Variants in DLC1 observed in about 807,000 individuals in gnomAD.
DLC1 encodes the protein rho GTPase-activating protein 7.
Under a neutral mutation model 140.3 loss-of-function variants are expected in DLC1, and 54 were observed. The ratio of observed to expected loss-of-function variants is 0.38; its 90% CI spans 0.31 to 0.48. DLC1 has a LOEUF of 0.48. Among genes scored for constraint, DLC1 ranks in the 20% least tolerant of loss-of-function variants. DLC1 has a pLI of 0.96. For synonymous variants in DLC1, 986 were observed against 728.1 expected (o/e 1.35, Z -5.70); for missense variants, 2,536 against 1,907.0 (o/e 1.33, Z -6.14).
chr8:13,120,311 C>T (rs1405749318), intron 5 of DLC1, among the ~76,000 whole-genome samples: 2 of 120,488 alleles, frequency 1.7e-5, no homozygotes, highest in Non-Finnish European at 3.4e-5. Context: ...TCACTGCACT[C>T]CAACCTGGAT....
At chr8:13,383,867 G>A (rs1836385953) in intron 4 of DLC1, among the ~76,000 whole-genome samples, 1 of 152,166 alleles carries the variant, frequency 6.6e-6, no homozygotes, top group Non-Finnish European at 1.5e-5. Context: ...AACGTTTAGA[G>A]AACTGCATTC....
intron 2 of DLC1, among the ~76,000 whole-genome samples, chr8:13,429,244 G>T (rs73208003): frequency 0.018 from 2,742 of 152,236 alleles, 34 homozygotes; most frequent in Non-Finnish European, 0.029. Context: ...AAGAGACCTG[G>T]CCATTTGCAG....
chr8:13,292,257 G>A (rs549229669), intron 5 of DLC1, among the ~76,000 whole-genome samples: 11 of 152,174 alleles, frequency 7.2e-5, no homozygotes, highest in South Asian at 4.2e-4. Context: ...TGTCCACATC[G>A]TAGAAAGTCC....
chr8:13,289,474 G>C (rs182222185), intron 5 of DLC1, among the ~76,000 whole-genome samples: 73 of 152,210 alleles, frequency 4.8e-4, no homozygotes, highest in Middle Eastern at 6.8e-3. Context: ...TTATAGACAG[G>C]TGTCACCATG....
intron 2 of DLC1, among the ~76,000 whole-genome samples, chr8:13,483,310 G>T (rs1170444828): frequency 6.6e-6 from 1 of 152,096 alleles, no homozygotes; most frequent in East Asian, 1.9e-4. Flanking sequence ...TTCCAAACAA[G>T]ATCATATTTG....
At chr8:13,547,778 A>T (rs1047488485) in intron 1 of DLC1, among the ~76,000 whole-genome samples, 1 of 151,982 alleles carries the variant, frequency 6.6e-6, no homozygotes, top group Non-Finnish European at 1.5e-5. Flanking sequence ...TACTCTTTCT[A>T]ATCTCTTCTC....
chr8:13,317,705 G>A (rs1417595782), intron 4 of DLC1, among the ~76,000 whole-genome samples: 2 of 152,086 alleles, frequency 1.3e-5, no homozygotes, highest in South Asian at 4.1e-4. Context: ...CAGGGAGAAA[G>A]TATAGAAGGA....
intron 1 of DLC1, among the ~76,000 whole-genome samples, chr8:13,545,407 G>A (rs1255109858): frequency 2.0e-5 from 3 of 151,780 alleles, no homozygotes; most frequent in Non-Finnish European, 4.4e-5. Context: ...GAAAACTTAG[G>A]TTGTTTCCCC....
At chr8:13,209,573 A>G (rs1827838755) in intron 5 of DLC1, among the ~76,000 whole-genome samples, 1 of 152,184 alleles carries the variant, frequency 6.6e-6, no homozygotes, top group African/African-American at 2.4e-5. Flanking sequence ...TCATGTTGAA[A>G]TGTAATCCTC....
Position 13,451,037 on chromosome 8 carries a change from C to CAAAA in DLC1, c.1023+48008_1023+48011dup, listed in dbSNP as rs1169620786. On this transcript the variant is annotated intron_variant, in intron 2 of 17. Transcript: ENST00000276297. ...CTGGTGATAGAGTGAGACTCCGTCT[C>CAAAA]AAAAAAAAAAAAAAAAAAAAAAAAA... Among the ~76,000 whole-genome samples the CAAAA allele has an allele frequency of 8.1e-3, 148 of 18,374 alleles. 37 individuals are homozygous for CAAAA. The highest frequency in any genetic ancestry group is 0.016 in the Non-Finnish European group (115 of 7,212). The allele number at this position is 18,374 out of a possible 152,430, so 12.1% of individuals were successfully genotyped here. A position where few individuals can be genotyped will look rare whatever the true frequency, so the allele number is the denominator to read the frequency against.
chr8:13,270,197 A>C (rs556931155), intron 5 of DLC1, among the ~76,000 whole-genome samples: 1 of 152,210 alleles, frequency 6.6e-6, no homozygotes, highest in South Asian at 2.1e-4. Flanking sequence ...TCAGATCCTT[A>C]AGTAGATGTG....
intron 4 of DLC1, among the ~76,000 whole-genome samples, chr8:13,364,626 GT>G (rs1835395877): frequency 6.6e-6 from 1 of 152,024 alleles, no homozygotes; most frequent in South Asian, 2.1e-4. Context: ...CTCCCCTTTT[GT>G]TTACTGACCC....
chr8:13,561,042 G>A (rs1585275766), intron 1 of DLC1, among the ~76,000 whole-genome samples: 1 of 151,970 alleles, frequency 6.6e-6, no homozygotes, highest in African/African-American at 2.4e-5. Flanking sequence ...AACTTTGTGT[G>A]CTAGTTCGTA....
intron 10 of DLC1, among the ~76,000 whole-genome samples, chr8:13,096,448 C>T (rs549390403): frequency 3.3e-5 from 5 of 152,106 alleles, no homozygotes; most frequent in Middle Eastern, 3.4e-3. Flanking sequence ...AAAGGTAAAA[C>T]GAAAGAGCAA....
intron 5 of DLC1, among the ~76,000 whole-genome samples, chr8:13,141,256 C>CAAAAAAAAAAAAAAAAAAAAAAAAA (rs34321250): frequency 3.1e-5 from 2 of 63,806 alleles, no homozygotes; most frequent in African/African-American, 8.7e-5. Flanking sequence ...GAGTCTGTCT[C>CAAAAAAAAAAAAAAAAAAAAAAAAA]AAAAAAAAAA....
intron 1 of DLC1, among the ~76,000 whole-genome samples, chr8:13,541,994 T>G (rs746176808): frequency 2.6e-5 from 4 of 152,234 alleles, no homozygotes; most frequent in Non-Finnish European, 5.9e-5. Flanking sequence ...TTGCAAATAT[T>G]TTCTTCCAGT....
At chr8:13,502,833 G>C (rs1304497262) in intron 1 of DLC1, among the ~76,000 whole-genome samples, 1 of 152,162 alleles carries the variant, frequency 6.6e-6, no homozygotes, top group African/African-American at 2.4e-5. Flanking sequence ...TTGGATGGAG[G>C]ATCTGGAAAA....
Position 13,319,743 on chromosome 8 carries a change from T to C in DLC1, c.1315-14441A>G, listed in dbSNP as rs191630298. ...AATTACCCAGTATCGGGTAGTTCTT[T>C]ATAACAGTGCAAGAGCGGATTAATA... On this transcript the variant is annotated intron_variant, in intron 4 of 17. Coordinates refer to ENST00000276297, the MANE Select transcript of DLC1 (RefSeq NM_182643.3). Among the ~76,000 whole-genome samples the C allele has an allele frequency of 3.8e-4, 58 of 151,482 alleles. 1 individual carries two copies. Among genetic ancestry groups the C allele is most frequent in the Non-Finnish European group, 7.7e-4 (52 of 67,818 alleles).
At chr8:13,486,188 C>G (rs538843526) in intron 2 of DLC1, among the ~76,000 whole-genome samples, 2 of 152,174 alleles carry the variant, frequency 1.3e-5, no homozygotes, top group East Asian at 1.9e-4. Context: ...AAAATTCATG[C>G]CTTAGGAAAA....
Sources: gnomAD v4.1 joint callset for allele counts (sites outside exome capture counted in the v4.1 genomes callset) on GRCh38, gnomAD v4.1.1 for gene constraint, MANE v1.5 for transcripts, NCBI Gene and HGNC (gene_info 2026-07-23, HGNC 2026-07-21) for gene names.